PPM1E: variants seen among roughly 807,000 people sequenced by gnomAD.
PPM1E encodes the protein protein phosphatase, Mg2+/Mn2+ dependent 1E, also known as protein phosphatase 1E.
In PPM1E, 20 loss-of-function variants were observed where a neutral mutation model predicts 65.9. The observed-to-expected ratio is 0.30, with a 90% CI of 0.21 to 0.44. PPM1E has a LOEUF of 0.44. PPM1E is among the 20% of genes least tolerant of loss of function. The pLI is 1.00. For synonymous variants in PPM1E, 352 were observed against 374.9 expected (o/e 0.94, Z 0.70); for missense variants, 713 against 953.1 (o/e 0.75, Z 3.32).
intron 1 of PPM1E, among the ~76,000 whole-genome samples, chr17:58,773,161 A>G (rs185095836): frequency 6.6e-6 from 1 of 152,096 alleles, no homozygotes; most frequent in Non-Finnish European, 1.5e-5. Context: ...GTGTGACTTT[A>G]TCTTTTAGAG....
chr17:58,816,784 ATATATATATATTTTT>A (rs1278147919), intron 1 of PPM1E, among the ~76,000 whole-genome samples: 7 of 8,116 alleles, frequency 8.6e-4, no homozygotes, highest in Non-Finnish European at 1.1e-3. Flanking sequence ...ATATATATAT[ATATATATATATTTTT>A]TTTTTTTTTT....
chr17:58,896,604 A>AAT (rs1329423579), intron 1 of PPM1E, among the ~76,000 whole-genome samples: 1 of 152,150 alleles, frequency 6.6e-6, no homozygotes, highest in African/African-American at 2.4e-5. Flanking sequence ...AATAAAATAA[A>AAT]AAGAAGTTGC....
intron 1 of PPM1E, among the ~76,000 whole-genome samples, chr17:58,953,804 A>G (rs148438626): frequency 6.6e-6 from 1 of 150,532 alleles, no homozygotes; most frequent in Non-Finnish European, 1.5e-5. Flanking sequence ...CTAGAGTGCA[A>G]TGGCACGATC....
chr17:58,839,060 A>AG (rs34917890), intron 1 of PPM1E, among the ~76,000 whole-genome samples: 96,696 of 151,926 alleles, frequency 0.64, 31,155 homozygotes, highest in African/African-American at 0.71. Flanking sequence ...GTGGTATTTT[A>AG]GGTGGTGAAA....
chr17:58,756,103 G>GAACCCA lies in PPM1E; in HGVS notation c.111_112insAAACCC (p.Pro37_Glu38insLysPro), dbSNP rs760293134. The GAACCCA allele has an allele frequency of 6.2e-7, 1 of 1,601,564 alleles. No homozygotes were observed. Among genetic ancestry groups the GAACCCA allele is most frequent in the Non-Finnish European group, 8.5e-7 (1 of 1,173,062 alleles). The stretch of plus-strand genomic sequence containing the variant: ...CGGCGGCGAGCCGGAGCCGGAACCC[G>GAACCCA]AACCCGAACCCGAACCCGAACCCGA... On this transcript the variant is annotated inframe_insertion, in exon 1 of 7. Transcript: ENST00000308249.
intron 1 of PPM1E, among the ~76,000 whole-genome samples, chr17:58,854,700 A>G (rs1480291229): frequency 2.0e-5 from 3 of 151,952 alleles, no homozygotes; most frequent in Admixed American, 6.6e-5. Context: ...GGTATATTAC[A>G]TTGTTTGATT....
intron 6 of PPM1E, among the ~76,000 whole-genome samples, chr17:58,978,724 T>G (rs944782020): frequency 1.3e-5 from 2 of 152,100 alleles, no homozygotes; most frequent in African/African-American, 4.8e-5. Flanking sequence ...AAAAGTGAAT[T>G]GAGAGTCCCT....
At chr17:58,834,046 C>T (rs769478282) in intron 1 of PPM1E, among the ~76,000 whole-genome samples, 7 of 152,062 alleles carry the variant, frequency 4.6e-5, no homozygotes, top group East Asian at 1.9e-4. Flanking sequence ...TCTTCTTTTG[C>T]GAAGTGTCTG....
intron 6 of PPM1E, among the ~76,000 whole-genome samples, chr17:58,979,741 G>A (rs1415899881): frequency 2.6e-5 from 4 of 152,208 alleles, no homozygotes; most frequent in Non-Finnish European, 4.4e-5. Flanking sequence ...TCTAAGCTAG[G>A]TAAGGACTTA....
At chr17:58,808,153 A>G (rs955316368) in intron 1 of PPM1E, among the ~76,000 whole-genome samples, 3 of 152,178 alleles carry the variant, frequency 2.0e-5, no homozygotes, top group Non-Finnish European at 4.4e-5. Context: ...GCTCTCTAGT[A>G]TGTTAAATTG....
intron 1 of PPM1E, among the ~76,000 whole-genome samples, chr17:58,840,609 A>G (rs1040864137): frequency 6.6e-6 from 1 of 152,106 alleles, no homozygotes; most frequent in Non-Finnish European, 1.5e-5. Flanking sequence ...GGCATCTTGT[A>G]GAGGCAGAAA....
chr17:58,861,632 G>C (rs891703968), intron 1 of PPM1E, among the ~76,000 whole-genome samples: 1 of 152,148 alleles, frequency 6.6e-6, no homozygotes, highest in African/African-American at 2.4e-5. Flanking sequence ...TCCTTTAAAA[G>C]ATGCTGTTTC....
chr17:58,848,391 A>C (rs1350172270), intron 1 of PPM1E, among the ~76,000 whole-genome samples: 2 of 152,232 alleles, frequency 1.3e-5, no homozygotes, highest in Non-Finnish European at 1.5e-5. Context: ...GCCCATTAGT[A>C]TGATATTGGC....
At chr17:58,802,339 C>A (rs1447060197) in intron 1 of PPM1E, among the ~76,000 whole-genome samples, 1 of 151,974 alleles carries the variant, frequency 6.6e-6, no homozygotes, top group Non-Finnish European at 1.5e-5. Flanking sequence ...ATTTGTTGAC[C>A]ATATAGGTTT....
At chr17:58,894,463 T>G (rs2051387289) in intron 1 of PPM1E, among the ~76,000 whole-genome samples, 1 of 152,220 alleles carries the variant, frequency 6.6e-6, no homozygotes, top group African/African-American at 2.4e-5. Flanking sequence ...CTAGTATAGT[T>G]TGGTGACACT....
At chr17:58,927,372 TGCCCG>T (rs2051836801) in intron 1 of PPM1E, among the ~76,000 whole-genome samples, 1 of 151,938 alleles carries the variant, frequency 6.6e-6, no homozygotes, top group Non-Finnish European at 1.5e-5. Flanking sequence ...CCTCATGATC[TGCCCG>T]CCTTGGCCTC....
chr17:58,953,334 T>G (rs1184905284), intron 1 of PPM1E, among the ~76,000 whole-genome samples: 2 of 152,192 alleles, frequency 1.3e-5, no homozygotes, highest in Admixed American at 6.5e-5. Flanking sequence ...TGGTGAGGGC[T>G]TAAGAAGCTT....
At chr17:58,813,642 TGGG>T (rs1357479433) in intron 1 of PPM1E, among the ~76,000 whole-genome samples, 2 of 152,200 alleles carry the variant, frequency 1.3e-5, no homozygotes, top group Non-Finnish European at 2.9e-5. Context: ...AAAGATTAAA[TGGG>T]GGAATAAATT....
At chr17:58,758,392 G>A (rs1267166727) in intron 1 of PPM1E, among the ~76,000 whole-genome samples, 1 of 152,026 alleles carries the variant, frequency 6.6e-6, no homozygotes, top group African/African-American at 2.4e-5. Flanking sequence ...GCTGGGCGTG[G>A]TGTCGCGCGC....
Sources: allele counts gnomAD v4.1 joint callset (sites outside exome capture counted in the v4.1 genomes callset), GRCh38; gene constraint gnomAD v4.1.1; transcripts MANE v1.5; gene names NCBI Gene and HGNC (gene_info 2026-07-23, HGNC 2026-07-21).